DNAH12: variants seen among roughly 807,000 people sequenced by gnomAD.
DNAH12 encodes the protein dynein axonemal heavy chain 12.
In DNAH12, 285 loss-of-function variants were observed where a neutral mutation model predicts 371.5. That is an observed-to-expected ratio of 0.77 (90% confidence interval 0.70 to 0.85). The LOEUF (loss-of-function observed/expected upper bound fraction) is 0.85. Among genes scored for constraint, DNAH12 ranks in the 40% least tolerant of loss-of-function variants. DNAH12 has a pLI of 0.00. For missense variants in DNAH12, 3,611 were observed against 3,689.4 expected, an observed-to-expected ratio of 0.98 and a Z score of 0.55; for synonymous variants, 1,200 against 1,213.0, an observed-to-expected ratio of 0.99 and a Z score of 0.22.
At chr3:57,329,149 T>C (rs78242709) in intron 62 of DNAH12, among the ~76,000 whole-genome samples, 34,662 of 132,118 alleles carry the variant, frequency 0.26, 5,114 homozygotes, top group South Asian at 0.36. Flanking sequence ...AGGTAATTTA[T>C]AGATTCAATG....
chr3:57,498,193 TAAAAC>T (rs2067382461), intron 11 of DNAH12: 1 of 284,702 alleles, frequency 3.5e-6, no homozygotes, highest in South Asian at 9.9e-5. Flanking sequence ...TGGGAAAAAA[TAAAAC>T]AATAGTAAAA....
intron 43 of DNAH12, among the ~76,000 whole-genome samples, chr3:57,397,096 A>C (rs2063757682): frequency 6.6e-6 from 1 of 152,232 alleles, no homozygotes; most frequent in Non-Finnish European, 1.5e-5. Flanking sequence ...ATTTAACCAC[A>C]ATAATCTTTG....
chr3:57,529,138 G>T lies in DNAH12; in HGVS notation c.171-5254C>A, dbSNP rs1371477536. On this transcript the variant is annotated intron_variant, in intron 2 of 73. Transcript: ENST00000495027. ...TTTAATGTGTCGTTGAATTTGTTTT[G>T]CTAGTATTTTGTTGAGGATTTTTGT... 2.0e-5 allele frequency among the ~76,000 whole-genome samples: 3 copies of T among 152,066 alleles called. No homozygotes were observed. In the East Asian group the frequency reaches 5.8e-4, roughly 29 times the overall value.
In DNAH12 at chr3:57,441,525, G is replaced by A. The variant is rs75672869; in HGVS notation, c.4545+3172C>T. On this transcript the variant is annotated intron_variant, in intron 29 of 73. Coordinates refer to ENST00000495027, the MANE Select transcript of DNAH12 (RefSeq NM_001366028.2). Reference sequence around the variant, plus strand: ...AAAAGATAATTACTGAATATTTTCTGGCTGAGTACAGTGGTTCATGCCTGT... The same window carrying A: ...AAAAGATAATTACTGAATATTTTCTAGCTGAGTACAGTGGTTCATGCCTGT... Among the ~76,000 whole-genome samples, 96 of 152,302 alleles carry A rather than the reference G, an allele frequency of 6.3e-4. No individual in the cohort carries two copies. The East Asian group carries it at 0.017, about 27-fold the overall frequency.
In DNAH12 at chr3:57,309,684, G is replaced by T. The variant is rs764299331; in HGVS notation, c.11067C>A (p.Thr3689=). The change falls in exon 68 of 74, where the codon ACC becomes ACA. Residue 3689 remains threonine (T), a synonymous_variant. Coordinates refer to ENST00000495027, the MANE Select transcript of DNAH12 (RefSeq NM_001366028.2). ...GSTDQILLEI[T]KDILNKLPSD... is the part of the protein sequence containing the mutation. ...ACATTACCTTGTTGAGGATATCTTT[G>T]GTAATTTCTAACAGAATCTGATCAG... is the stretch of plus-strand genomic sequence containing the variant. 31 of 1,520,512 alleles carry T rather than the reference G, an allele frequency of 2.0e-5. No homozygotes were observed. Among genetic ancestry groups the T allele is most frequent in the Non-Finnish European group, 2.5e-5 (28 of 1,136,428 alleles). The allele number at this position is 1,520,512 out of a possible 1,614,324, so 94.2% of individuals were successfully genotyped here.
At position 57,428,754 on chromosome 3, in the gene DNAH12, A is replaced by G. The variant is rs1426183592; in HGVS notation, c.5132T>C (p.Val1711Ala). The change falls in exon 34 of 74, where the codon GTG becomes GCG. Residue 1711 changes from valine (V) to alanine (A), a missense_variant. Transcript: ENST00000495027. ...EPSQLGWEPL[V>A]SSWLNSLKGP... ...TTTCAGTGAATTCAACCAAGAAGAC[A>G]CAAGTGGTTCCCATCCTAACTGTGA... 1 of 1,551,476 alleles carries G rather than the reference A, an allele frequency of 6.4e-7. No individual in the cohort carries two copies. The highest frequency in any genetic ancestry group is 8.7e-7 in the Non-Finnish European group (1 of 1,146,952).
At chr3:57,535,531 T>A (rs990355101) in intron 2 of DNAH12, among the ~76,000 whole-genome samples, 1 of 151,966 alleles carries the variant, frequency 6.6e-6, no homozygotes, top group Admixed American at 6.6e-5. Flanking sequence ...ATTTTTTTTA[T>A]ATTTTATTTT....
chr3:57,402,573 C>T (rs1553679315), intron 43 of DNAH12: 3 of 635,784 alleles, frequency 4.7e-6, no homozygotes, highest in South Asian at 3.8e-5. Flanking sequence ...GTCAGTGGCA[C>T]AAGCCAGGTA....
In DNAH12 at chr3:57,491,069, G is replaced by A. The variant is rs1233600903; in HGVS notation, c.1336-1382C>T. Among the ~76,000 whole-genome samples the A allele has an allele frequency of 2.5e-4, 26 of 102,586 alleles. 1 individual carries two copies. The highest frequency in any genetic ancestry group is 6.7e-4 in the Admixed American group (5 of 7,420). The allele number at this position is 102,586 out of a possible 152,430, so 67.3% of individuals were successfully genotyped here. Reference sequence around the variant, plus strand: ...TGCACTCCAGCCTGGAAGACAGAGCGAGACTCTATCTCAAAAAAAAAAAAA... The same window carrying A: ...TGCACTCCAGCCTGGAAGACAGAGCAAGACTCTATCTCAAAAAAAAAAAAA... On this transcript the variant is annotated intron_variant, in intron 11 of 73. Transcript: ENST00000495027.
intron 3 of DNAH12, 55 bp downstream of exon 3, chr3:57,523,748 C>T (rs1305544656): frequency 6.7e-7 from 1 of 1,486,268 alleles, no homozygotes; most frequent in Non-Finnish European, 9.1e-7. Flanking sequence ...ATTGTCTTAA[C>T]TACAAATTAA....
intron 69 of DNAH12, among the ~76,000 whole-genome samples, chr3:57,302,567 A>ATTTTT (rs71088056): frequency 7.3e-5 from 2 of 27,478 alleles, no homozygotes; most frequent in Non-Finnish European, 1.3e-4. Flanking sequence ...ATATATATGT[A>ATTTTT]TTTTTTTTTT....
At chr3:57,297,317 C>G (rs1219403819) in intron 70 of DNAH12, 1 of 259,590 alleles carries the variant, frequency 3.9e-6, no homozygotes, top group Non-Finnish European at 7.4e-6. Context: ...TACACATTGT[C>G]TAATTATAGA....
At chr3:57,437,516 C>T (rs2065166436) in intron 29 of DNAH12, among the ~76,000 whole-genome samples, 1 of 152,158 alleles carries the variant, frequency 6.6e-6, no homozygotes, top group Non-Finnish European at 1.5e-5. Context: ...ATGAGCCTTT[C>T]CTAGGTAAGC....
At chr3:57,413,139 T>A (rs55825084) in intron 39 of DNAH12, among the ~76,000 whole-genome samples, 3,123 of 152,260 alleles carry the variant, frequency 0.021, 57 homozygotes, top group Middle Eastern at 0.034. Flanking sequence ...CATGAGAAGA[T>A]ATGAATGAAA....
intron 37 of DNAH12, among the ~76,000 whole-genome samples, chr3:57,418,851 A>G (rs1004736644): frequency 7.2e-5 from 11 of 152,226 alleles, no homozygotes; most frequent in African/African-American, 1.9e-4. Context: ...AATGTTATTA[A>G]GAAAGTTGGT....
At chr3:57,448,624 T>C (rs764221798) in intron 25 of DNAH12, among the ~76,000 whole-genome samples, 3 of 152,196 alleles carry the variant, frequency 2.0e-5, no homozygotes. Flanking sequence ...ATGTTGCCAA[T>C]GCTGGCTCAG....
chr3:57,469,794 C>A (rs2066315505), intron 16 of DNAH12, among the ~76,000 whole-genome samples: 1 of 152,002 alleles, frequency 6.6e-6, no homozygotes. Context: ...TATACATGAA[C>A]ATAGAGATGG....
At chr3:57,499,014 A>AACACACAC (rs1559723402) in intron 11 of DNAH12, among the ~76,000 whole-genome samples, 1 of 151,522 alleles carries the variant, frequency 6.6e-6, no homozygotes, top group Non-Finnish European at 1.5e-5. Context: ...CAAAAACAAA[A>AACACACAC]ACACACACAC....
At chr3:57,516,053 CTT>C (rs11395278) in intron 4 of DNAH12, among the ~76,000 whole-genome samples, 4 of 71,964 alleles carry the variant, frequency 5.6e-5, no homozygotes, top group Admixed American at 2.6e-4. Context: ...ACTGCTTAGT[CTT>C]TTTTTTTTTT....
Sources: allele counts gnomAD v4.1 joint callset (sites outside exome capture counted in the v4.1 genomes callset), GRCh38; gene constraint gnomAD v4.1.1; transcripts MANE v1.5; gene names NCBI Gene and HGNC (gene_info 2026-07-23, HGNC 2026-07-21).